Variants in TMEM178B observed in about 807,000 individuals in gnomAD.
TMEM178B encodes transmembrane protein 178B.
In TMEM178B, 5 loss-of-function variants were observed where a neutral mutation model predicts 31.0. That is an observed-to-expected ratio of 0.16 (90% CI 0.08 to 0.34). TMEM178B has a LOEUF of 0.34. TMEM178B is among the 10% of genes least tolerant of loss of function. The pLI is 1.00. For missense variants in TMEM178B, 275 were observed against 400.3 expected, an observed-to-expected ratio of 0.69 and a Z score of 2.67; for synonymous variants, 164 against 164.0, an observed-to-expected ratio of 1.00 and a Z score of 0.00.
At chr7:141,133,278 T>C (rs1213276872) in intron 1 of TMEM178B, among the ~76,000 whole-genome samples, 1 of 151,876 alleles carries the variant, frequency 6.6e-6, no homozygotes, top group Non-Finnish European at 1.5e-5. Context: ...GAATTCAAAA[T>C]AATGACATTA....
At chr7:141,226,949 TG>T in intron 2 of TMEM178B, among the ~76,000 whole-genome samples, 1 of 152,218 alleles carries the variant, frequency 6.6e-6, no homozygotes, top group African/African-American at 2.4e-5. Context: ...GGATTTTTAG[TG>T]TTTACCATTC....
chr7:141,295,911 A>G (rs981238801), intron 2 of TMEM178B, among the ~76,000 whole-genome samples: 2 of 152,132 alleles, frequency 1.3e-5, no homozygotes, highest in Non-Finnish European at 2.9e-5. Flanking sequence ...TCCCAATGCT[A>G]ATGGTGTCTG....
Position 141,303,373 on chromosome 7 carries a change from A to G in TMEM178B, c.496+90669A>G, listed in dbSNP as rs1000472921. Among the ~76,000 whole-genome samples the G allele has an allele frequency of 3.3e-5, 5 of 152,344 alleles. No homozygotes were observed. In the East Asian group the frequency reaches 9.6e-4, roughly 29 times the overall value. On this transcript the variant is annotated intron_variant, in intron 2 of 3. Transcript: ENST00000565468. ...AGTTGTCTTGGGTAAGGATCAAACAATTATACTCCAATTAAGGGGAGATTC... is the reference window on the plus strand; with the variant it reads ...AGTTGTCTTGGGTAAGGATCAAACAGTTATACTCCAATTAAGGGGAGATTC...
chr7:141,491,831 T>A, the TMEM178B span, among the ~76,000 whole-genome samples: 1 of 152,206 alleles, frequency 6.6e-6, no homozygotes, highest in South Asian at 2.1e-4. Context: ...GCCTGGGCCC[T>A]GTTGCAGGAA....
rs186114411 is a variant in TMEM178B, at chr7:141,274,997, G to A, written c.496+62293G>A. On this transcript the variant is annotated intron_variant, in intron 2 of 3. Transcript: ENST00000565468. ...CGAAGATTTAAGTTTTATCTCTCAA[G>A]AGCTAGCAATGTGGAGGTTTAGAAA... Among the ~76,000 whole-genome samples the A allele has an allele frequency of 3.1e-4, 47 of 152,288 alleles. No individual in the cohort carries two copies. The East Asian group carries it at 7.7e-3, about 25-fold the overall frequency.
chr7:141,384,740 C>T (rs568091834), intron 2 of TMEM178B, among the ~76,000 whole-genome samples: 52 of 152,174 alleles, frequency 3.4e-4, no homozygotes, highest in Non-Finnish European at 2.1e-4. Flanking sequence ...TAGTTTTTTT[C>T]CAAATCTGTG....
chr7:141,303,379 C>A (rs1006388392), intron 2 of TMEM178B, among the ~76,000 whole-genome samples: 2 of 152,216 alleles, frequency 1.3e-5, no homozygotes, highest in East Asian at 3.8e-4. Context: ...AACAATTATA[C>A]TCCAATTAAG....
intron 1 of TMEM178B, among the ~76,000 whole-genome samples, chr7:141,155,340 A>G (rs920936760): frequency 1.3e-5 from 2 of 152,042 alleles, no homozygotes; most frequent in African/African-American, 4.8e-5. Flanking sequence ...TTCCTTGCTA[A>G]TTCTGTTTTT....
At chr7:141,324,667 G>C (rs77633993) in intron 2 of TMEM178B, among the ~76,000 whole-genome samples, 1 of 151,842 alleles carries the variant, frequency 6.6e-6, no homozygotes, top group Non-Finnish European at 1.5e-5. Context: ...GCAACTGTTA[G>C]ATTTTAGGGG....
intron 2 of TMEM178B, among the ~76,000 whole-genome samples, chr7:141,428,374 AAAAAAAAAAAG>A (rs1040132343): frequency 4.2e-5 from 6 of 141,614 alleles, no homozygotes; most frequent in South Asian, 2.3e-4. Context: ...ACCTCAAAAA[AAAAAAAAAAAG>A]AAAAAAAGAA....
intron 2 of TMEM178B, among the ~76,000 whole-genome samples, chr7:141,398,090 G>A (rs1281729565): frequency 6.6e-6 from 1 of 152,154 alleles, no homozygotes; most frequent in African/African-American, 2.4e-5. Flanking sequence ...TTTGGGGAGG[G>A]GTGTCCCAGT....
chr7:141,241,980 C>G (rs937272332), intron 2 of TMEM178B, among the ~76,000 whole-genome samples: 1 of 152,090 alleles, frequency 6.6e-6, no homozygotes, highest in East Asian at 1.9e-4. Flanking sequence ...ACATTTTCAT[C>G]AGAAATACTT....
intron 2 of TMEM178B, among the ~76,000 whole-genome samples, chr7:141,333,686 T>C (rs2116494570): frequency 6.6e-6 from 1 of 152,346 alleles, no homozygotes; most frequent in Admixed American, 6.5e-5. Flanking sequence ...AGAAGTCCTC[T>C]AAGGCAGCAG....
chr7:141,176,945 C>G (rs887429303), intron 1 of TMEM178B, among the ~76,000 whole-genome samples: 10 of 151,808 alleles, frequency 6.6e-5, no homozygotes, highest in African/African-American at 2.4e-4. Flanking sequence ...GTGTCTCTGT[C>G]TCCTTCAGTT....
the TMEM178B span, among the ~76,000 whole-genome samples, chr7:141,493,564 TCTTCACCAAAC>T: frequency 7.9e-5 from 12 of 152,162 alleles, no homozygotes; most frequent in African/African-American, 2.9e-4. Context: ...CTCAATTCTG[TCTTCACCAAAC>T]CACAAGGAGA....
At position 141,258,857 on chromosome 7, in the gene TMEM178B, T is replaced by C. The variant is rs1797970749; in HGVS notation, c.496+46153T>C. ...TCAGATTATTGTTCTCCTATATATA[T>C]GAGTCAGTTTTCTCTTGATGCTTTT... is the stretch of plus-strand genomic sequence containing the variant. On this transcript the variant is annotated intron_variant, in intron 2 of 3. Coordinates refer to ENST00000565468, the MANE Select transcript of TMEM178B (RefSeq NM_001195278.2). Among the ~76,000 whole-genome samples the C allele has an allele frequency of 2.0e-5, 3 of 152,356 alleles. No homozygotes were observed. In the South Asian group the frequency reaches 6.2e-4, roughly 32 times the overall value.
chr7:141,355,495 C>T (rs917047485), intron 2 of TMEM178B, among the ~76,000 whole-genome samples: 1 of 152,084 alleles, frequency 6.6e-6, no homozygotes, highest in African/African-American at 2.4e-5. Context: ...ATAACTATGC[C>T]AATTCTTCAG....
intron 2 of TMEM178B, among the ~76,000 whole-genome samples, chr7:141,325,373 C>A (rs1188976660): frequency 6.6e-6 from 1 of 152,200 alleles, no homozygotes; most frequent in East Asian, 1.9e-4. Flanking sequence ...TCTGTGTTAA[C>A]TCTTTATTGT....
At chr7:141,412,688 G>A (rs1586943893) in intron 2 of TMEM178B, among the ~76,000 whole-genome samples, 1 of 152,258 alleles carries the variant, frequency 6.6e-6, no homozygotes, top group African/African-American at 2.4e-5. Flanking sequence ...GCAGTGCTCA[G>A]CGGAGCTCGG....
Sources: gnomAD v4.1 joint callset for allele counts (sites outside exome capture counted in the v4.1 genomes callset) on GRCh38, gnomAD v4.1.1 for gene constraint, MANE v1.5 for transcripts, NCBI Gene and HGNC (gene_info 2026-07-23, HGNC 2026-07-21) for gene names.